The following FCRL4 variants were observed in gnomAD, a reference collection of about 807,000 sequenced individuals.
FCRL4 encodes Fc receptor-like protein 4.
Under a neutral mutation model 64.1 loss-of-function variants are expected in FCRL4, and 43 were observed. The observed-to-expected ratio is 0.67, with a 90% CI of 0.53 to 0.87. The LOEUF is 0.87. Ranked by LOEUF, FCRL4 falls within the 40% of genes least tolerant of loss-of-function variation. FCRL4 has a pLI of 0.00. For missense variants in FCRL4, 656 were observed against 613.5 expected, an observed-to-expected ratio of 1.07 and a Z score of -0.73; for synonymous variants, 253 against 239.8, an observed-to-expected ratio of 1.05 and a Z score of -0.51.
Position 157,585,395 on chromosome 1 carries a change from C to CTTTCTTTCT in FCRL4, c.1135+772_1135+773insAGAAAGAAA, listed in dbSNP as rs1558155168. On this transcript the variant is annotated intron_variant, in intron 6 of 11. Coordinates refer to ENST00000271532, the MANE Select transcript of FCRL4 (RefSeq NM_031282.3). ...CTTTCTTTCTTTCTTTCTTTCTTTC[C>CTTTCTTTCT]TTCTTTCTTTCTTTCTTTCTTTCTT... Among the ~76,000 whole-genome samples, 361 of 80,892 alleles carry CTTTCTTTCT rather than the reference C, an allele frequency of 4.5e-3. 24 individuals carry two copies. Among genetic ancestry groups the CTTTCTTTCT allele is most frequent in the Admixed American group, 0.019 (137 of 7,222 alleles). The allele number at this position is 80,892 out of a possible 152,430, so 53.1% of individuals were successfully genotyped here. A position where few individuals can be genotyped will look rare whatever the true frequency, so the allele number is the denominator to read the frequency against.
intron 6 of FCRL4, among the ~76,000 whole-genome samples, chr1:157,585,414 CT>C (rs1158806698): frequency 1.7e-5 from 2 of 114,478 alleles, no homozygotes; most frequent in African/African-American, 6.6e-5. Context: ...TTCTTTCTTT[CT>C]TTCTTTCCTT....
At chr1:157,594,165 A>G (rs776105521) in intron 2 of FCRL4, among the ~76,000 whole-genome samples, 2 of 152,224 alleles carry the variant, frequency 1.3e-5, no homozygotes, top group African/African-American at 4.8e-5. Flanking sequence ...GTCAGTCCCA[A>G]TGCTCTTCTC....
chr1:157,591,269 T>C (rs572334668), intron 2 of FCRL4, among the ~76,000 whole-genome samples: 4 of 152,300 alleles, frequency 2.6e-5, no homozygotes, highest in African/African-American at 9.6e-5. Flanking sequence ...TGGTTTGGTC[T>C]TTAGGTGGAT....
At chr1:157,580,371 AT>A in intron 7 of FCRL4, 23 bp from the exon 8 acceptor site, 1 of 1,614,058 alleles carries the variant, frequency 6.2e-7, no homozygotes. Flanking sequence ...GCAAAGACGC[AT>A]TTTTGTCAGC....
chr1:157,578,669 T>C, intron 9 of FCRL4, 101 bp downstream of exon 9: 2 of 1,409,120 alleles, frequency 1.4e-6, no homozygotes, highest in Non-Finnish European at 2.0e-6. Context: ...ATATCTGGAT[T>C]TGGGACACTT....
rs1213424808 is a variant in FCRL4, at chr1:157,589,466, G to A, written c.53-8C>T. 6 of 1,613,376 alleles carry A rather than the reference G, an allele frequency of 3.7e-6. No homozygotes were observed. The highest frequency in any genetic ancestry group is 1.7e-5 in the Admixed American group (1 of 60,014). ...CAGGTTTGTGTGCAGCTGCTGAGGA[G>A]GAAAGAGTAATAGGTCTGAGGTGGA... On this transcript the variant is annotated splice_polypyrimidine_tract_variant and splice_region_variant and intron_variant, in intron 2 of 11. Transcript: ENST00000271532.
At chr1:157,582,120 A>G (rs1240252033) in intron 6 of FCRL4, among the ~76,000 whole-genome samples, 2 of 152,244 alleles carry the variant, frequency 1.3e-5, no homozygotes, top group African/African-American at 4.8e-5. Context: ...CTCCTTCCTC[A>G]TAGAAGCCTG....
chr1:157,578,492 G>A lies in FCRL4; in HGVS notation c.1411C>T (p.Leu471=), dbSNP rs150030503. 1,776 of 1,613,732 alleles carry A rather than the reference G, an allele frequency of 1.1e-3. 14 individuals carry two copies. The South Asian group carries it at 0.011, about 10-fold the overall frequency. ...LVYSEIQTTQ[L]GEEEEANTSR... is the part of the protein sequence containing the mutation. ...GACGTACCTTCCTCTTCTTCTCCCAGCTGAGTAGTCTGGATCTCAGAGTAT... is the reference window on the plus strand; with the variant it reads ...GACGTACCTTCCTCTTCTTCTCCCAACTGAGTAGTCTGGATCTCAGAGTAT... Residue 471 remains leucine, a synonymous_variant, in exon 10 of 12, where the codon CTG becomes TTG. Coordinates refer to ENST00000271532, the MANE Select transcript of FCRL4 (RefSeq NM_031282.3).
rs753791859 is a variant in FCRL4 at position 157,581,644 on chromosome 1, T to C, written c.1136A>G (p.Glu379Gly). 5 of 1,612,662 alleles carry C rather than the reference T, an allele frequency of 3.1e-6. No homozygotes were observed. Among genetic ancestry groups the C allele is most frequent in the Non-Finnish European group, 2.5e-6 (3 of 1,179,032 alleles). ...AAGGCCATCTCTGTTGCCTGGGGTC[T>C]CTAAGGGGAAAGGACCTGTGTGAAT... ...QSMVLNVTVR[E>G]TPGNRDGLVA... is the part of the protein sequence containing the mutation. The change falls in exon 7 of 12, where the codon GAG becomes GGG. Residue 379 changes from glutamate to glycine, a missense_variant and splice_region_variant. Physicochemically the swap from Glu to Gly is moderately conservative, Grantham distance 98. Transcript: ENST00000271532.
intron 9 of FCRL4, 112 bp from the exon 10 acceptor site, chr1:157,578,654 T>C (rs1652473666): frequency 7.2e-7 from 1 of 1,387,450 alleles, no homozygotes; most frequent in Non-Finnish European, 1.0e-6. Flanking sequence ...AACAATTATC[T>C]GGGAATATCT....
rs1484949932 is a variant in FCRL4 at position 157,574,563 on chromosome 1, A to G, written c.*961T>C. The G allele has an allele frequency of 4.8e-6, 1 of 206,690 alleles. No individual in the cohort carries two copies. 12.8% of individuals were successfully genotyped at this position (206,690 alleles called of 1,614,324 possible). A position where few individuals can be genotyped will look rare whatever the true frequency, so the allele number is the denominator to read the frequency against. On this transcript the variant is annotated 3_prime_UTR_variant, in exon 12 of 12. Coordinates refer to ENST00000271532, the MANE Select transcript of FCRL4 (RefSeq NM_031282.3). Reference sequence around the variant, plus strand: ...TTCATTTATTGCAAGAATTATTCTCATATAAACTAATTAGTAACTCAAAGA... The same window carrying G: ...TTCATTTATTGCAAGAATTATTCTCGTATAAACTAATTAGTAACTCAAAGA...
chr1:157,579,359 G>A (rs1203434083), intron 8 of FCRL4, among the ~76,000 whole-genome samples: 2 of 147,238 alleles, frequency 1.4e-5, no homozygotes, highest in African/African-American at 5.1e-5. Context: ...GACAGAGCCA[G>A]ATCCTGTCTC....
chr1:157,593,157 G>A (rs953576738), intron 2 of FCRL4, among the ~76,000 whole-genome samples: 1 of 152,156 alleles, frequency 6.6e-6, no homozygotes. Flanking sequence ...GATGGGTGCA[G>A]CAAACCAACA....
At chr1:157,588,153 A>G (rs753791763) in intron 3 of FCRL4, 34 bp from the exon 4 acceptor site, 18 of 1,567,130 alleles carry the variant, frequency 1.1e-5, no homozygotes, top group South Asian at 8.5e-5. Flanking sequence ...TCGTCATTCA[A>G]AGCATTCCTG....
intron 10 of FCRL4, among the ~76,000 whole-genome samples, chr1:157,576,906 C>T (rs571946316): frequency 1.3e-5 from 2 of 152,222 alleles, no homozygotes; most frequent in South Asian, 4.1e-4. Flanking sequence ...AAGTCCTTCT[C>T]TGAGTCTTAT....
intron 9 of FCRL4, 55 bp downstream of exon 9, chr1:157,578,715 G>T: frequency 6.4e-7 from 1 of 1,555,458 alleles, no homozygotes; most frequent in Non-Finnish European, 8.9e-7. Context: ...GGCTGAAAGC[G>T]CATTATCTTT....
At chr1:157,588,433 T>C (rs1652756361) in intron 3 of FCRL4, among the ~76,000 whole-genome samples, 1 of 152,220 alleles carries the variant, frequency 6.6e-6, no homozygotes, top group Non-Finnish European at 1.5e-5. Context: ...AACACCAACC[T>C]GCTCACCGAG....
At position 157,587,563 on chromosome 1, in the gene FCRL4, A is replaced by C; in HGVS notation, c.563-3T>G. On this transcript the variant is annotated splice_region_variant and splice_polypyrimidine_tract_variant and intron_variant, in intron 4 of 11. Coordinates refer to ENST00000271532, the MANE Select transcript of FCRL4 (RefSeq NM_031282.3). ...CAGCTCTGGATGTGGAAATAGTTCTAGAGAGAAGAGGTAAGTCAAGTTCTG... is the reference window on the plus strand; with the variant it reads ...CAGCTCTGGATGTGGAAATAGTTCTCGAGAGAAGAGGTAAGTCAAGTTCTG... 1 of 1,612,494 alleles carries C rather than the reference A, an allele frequency of 6.2e-7. No individual in the cohort carries two copies.
At chr1:157,582,491 G>A (rs1358664071) in intron 6 of FCRL4, among the ~76,000 whole-genome samples, 1 of 152,228 alleles carries the variant, frequency 6.6e-6, no homozygotes, top group African/African-American at 2.4e-5. Context: ...AGAGTGGAGA[G>A]TGGGGCGTGG....
Sources: gnomAD v4.1 joint callset for allele counts (sites outside exome capture counted in the v4.1 genomes callset) on GRCh38, gnomAD v4.1.1 for gene constraint, MANE v1.5 for transcripts, NCBI Gene and HGNC (gene_info 2026-07-23, HGNC 2026-07-21) for gene names.